LRBA: variants seen among roughly 807,000 people sequenced by gnomAD.
The protein encoded by LRBA is LPS responsive beige-like anchor protein.
In LRBA, 176 loss-of-function variants were observed where a neutral mutation model predicts 330.0. The ratio of observed to expected loss-of-function variants is 0.53; its 90% CI spans 0.47 to 0.60. The LOEUF (loss-of-function observed/expected upper bound fraction) is 0.60, where lower values mean the gene tolerates loss of function less well. LRBA is among the 20% of genes least tolerant of loss of function. LRBA has a pLI of 0.00. For missense variants in LRBA, 3,259 were observed against 3,444.8 expected (o/e 0.95, Z 1.35); for synonymous variants, 1,230 against 1,193.0 (o/e 1.03, Z -0.64).
chr4:150,894,505 A>T (rs1425500261), intron 16 of LRBA, among the ~76,000 whole-genome samples: 1 of 152,234 alleles, frequency 6.6e-6, no homozygotes, highest in Admixed American at 6.5e-5. Flanking sequence ...GCATATACCA[A>T]TATGTATGCA....
At position 150,467,735 on chromosome 4, in the gene LRBA, T is replaced by C. The variant is rs202061746; in HGVS notation, c.6718A>G (p.Thr2240Ala). Residue 2240 changes from threonine to alanine, a missense_variant, in exon 44 of 57, where the codon ACT (threonine) becomes GCT (alanine). Thr to Ala is a moderately conservative substitution (Grantham distance 58, BLOSUM62 0). Transcript: ENST00000651943. ...TCCAGTTCTTCTGATTCATAATTAGTGATGACCCAAGGAAACACTGGATAC... is the reference window on the plus strand; with the variant it reads ...TCCAGTTCTTCTGATTCATAATTAGCGATGACCCAAGGAAACACTGGATAC... The part of the protein sequence containing the change: ...NQYPVFPWVI[T>A]NYESEELDLT... 22 of 1,609,624 alleles carry C rather than the reference T, an allele frequency of 1.4e-5. No individual in the cohort carries two copies. Among genetic ancestry groups the C allele is most frequent in the East Asian group, 2.2e-5 (1 of 44,668 alleles).
chr4:150,849,635 T>C, intron 24 of LRBA, 60 bp from the exon 25 acceptor site: 11 of 1,369,768 alleles, frequency 8.0e-6, no homozygotes, highest in Non-Finnish European at 1.0e-5. Context: ...ACAGTTTGCC[T>C]ACTTGAGGGG....
At chr4:150,496,989 C>A (rs1759664242) in intron 40 of LRBA, among the ~76,000 whole-genome samples, 1 of 151,872 alleles carries the variant, frequency 6.6e-6, no homozygotes, top group Non-Finnish European at 1.5e-5. Flanking sequence ...CAGGTTAACA[C>A]TTTAATATGG....
At chr4:150,740,643 T>TAAAA (rs34194284) in intron 35 of LRBA, among the ~76,000 whole-genome samples, 8 of 136,172 alleles carry the variant, frequency 5.9e-5, no homozygotes, top group African/African-American at 1.9e-4. Flanking sequence ...GAAAGAATGG[T>TAAAA]AAAAAAAAAA....
In LRBA at chr4:150,391,628, T is replaced by TTG. The variant is rs111410765; in HGVS notation, c.7194+23808_7194+23809dup. Among the ~76,000 whole-genome samples the TTG allele has an allele frequency of 8.9e-3, 1,348 of 151,630 alleles. 15 individuals carry two copies. The highest frequency in any genetic ancestry group is 0.03 in the African/African-American group (1,240 of 41,364). On this transcript the variant is annotated intron_variant, in intron 47 of 56. Transcript: ENST00000651943. ...ACGTGACAGGAACTAGGTAAGTAAA[T>TTG]TGTGTGTGTGTGTGTAGTTCCCAAC... is the stretch of plus-strand genomic sequence containing the variant.
intron 37 of LRBA, among the ~76,000 whole-genome samples, chr4:150,625,781 C>A (rs887887482): frequency 2.0e-5 from 3 of 151,576 alleles, no homozygotes; most frequent in Admixed American, 6.6e-5. Flanking sequence ...GCAAGCTCAG[C>A]TCACTGCAAC....
intron 40 of LRBA, among the ~76,000 whole-genome samples, chr4:150,545,182 T>A (rs1561329572): frequency 6.6e-6 from 1 of 152,216 alleles, no homozygotes; most frequent in African/African-American, 2.4e-5. Flanking sequence ...TTGTTATTAA[T>A]ACCATAATCA....
intron 24 of LRBA, 107 bp downstream of exon 24, chr4:150,850,614 TCTA>T: frequency 1.7e-6 from 1 of 606,050 alleles, no homozygotes; most frequent in Non-Finnish European, 2.7e-6. Context: ...TAATTTCTAT[TCTA>T]CTTTTTAACC....
chr4:150,759,035 G>C (rs1734711655), intron 35 of LRBA, among the ~76,000 whole-genome samples: 1 of 151,908 alleles, frequency 6.6e-6, no homozygotes, highest in Non-Finnish European at 1.5e-5. Flanking sequence ...CCACCTCACA[G>C]CTTTCCAAGT....
intron 37 of LRBA, among the ~76,000 whole-genome samples, chr4:150,632,212 C>T (rs1229186356): frequency 7.6e-6 from 1 of 132,196 alleles, no homozygotes; most frequent in Non-Finnish European, 1.6e-5. Flanking sequence ...GCCTGGGAGA[C>T]AGAGTGAGAC....
intron 28 of LRBA, among the ~76,000 whole-genome samples, chr4:150,841,849 G>T (rs1749129032): frequency 6.6e-6 from 1 of 151,636 alleles, no homozygotes; most frequent in Admixed American, 6.6e-5. Flanking sequence ...GTAGAGATGG[G>T]GATTCACCAT....
At chr4:150,298,565 A>G (rs1729253142) in intron 53 of LRBA, among the ~76,000 whole-genome samples, 1 of 152,116 alleles carries the variant, frequency 6.6e-6, no homozygotes. Context: ...TACTTTAAAA[A>G]ACAGCTCTGT....
rs944778069 is a variant in LRBA, at chr4:150,893,246, A to G, written c.2068-97T>C. The G allele has an allele frequency of 6.2e-6, 4 of 650,402 alleles. No individual in the cohort carries two copies. In the African/African-American group the frequency reaches 7.3e-5, roughly 12 times the overall value. 40.3% of individuals were successfully genotyped at this position (650,402 alleles called of 1,614,324 possible). A position where few individuals can be genotyped will look rare whatever the true frequency, so the allele number is the denominator to read the frequency against. On this transcript the variant is annotated intron_variant, in intron 16 of 56. Transcript: ENST00000651943. ...AAATAGAAATTTCAACATTAGAAATATAAGTAGACATATGTGTGATATATA... is the reference window on the plus strand; with the variant it reads ...AAATAGAAATTTCAACATTAGAAATGTAAGTAGACATATGTGTGATATATA...
At chr4:150,753,151 C>T (rs957499206) in intron 35 of LRBA, among the ~76,000 whole-genome samples, 1 of 152,212 alleles carries the variant, frequency 6.6e-6, no homozygotes, top group Admixed American at 6.5e-5. Context: ...GCAATGTCCT[C>T]TGTATCCGAC....
At chr4:150,840,006 G>A (rs899301125) in intron 28 of LRBA, among the ~76,000 whole-genome samples, 1 of 152,142 alleles carries the variant, frequency 6.6e-6, no homozygotes, top group African/African-American at 2.4e-5. Flanking sequence ...CTGTTATGGA[G>A]ACAGCTTCTT....
chr4:150,909,144 T>C (rs1731683997), intron 9 of LRBA, among the ~76,000 whole-genome samples: 1 of 152,214 alleles, frequency 6.6e-6, no homozygotes, highest in Non-Finnish European at 1.5e-5. Context: ...AAGCATATAA[T>C]ATACAACTTA....
intron 44 of LRBA, among the ~76,000 whole-genome samples, chr4:150,440,651 A>C (rs1421251939): frequency 5.9e-5 from 9 of 151,920 alleles, no homozygotes; most frequent in Non-Finnish European, 1.2e-4. Context: ...GTGTATGCCT[A>C]TAGTCCCAAC....
At chr4:150,918,226 A>T (rs1732862459) in intron 5 of LRBA, among the ~76,000 whole-genome samples, 1 of 152,240 alleles carries the variant, frequency 6.6e-6, no homozygotes, top group Non-Finnish European at 1.5e-5. Context: ...CTGATAAAGG[A>T]CTTGTAACCA....
Position 150,906,364 on chromosome 4 carries a change from G to T in LRBA, c.1535C>A (p.Ser512Ter). 1 of 1,612,092 alleles carries T rather than the reference G, an allele frequency of 6.2e-7. No homozygotes were observed. ...LAFIMELLKN[S>*]IAMQEQMLAC... ...AAGCATCTGTTCCTGCATAGCAATT[G>T]AGTTCTTCAACAATTCCATGATAAA... Residue 512 changes from serine to a stop codon, truncating the protein, a stop_gained, in exon 12 of 57, where the codon TCA becomes TAA. Transcript: ENST00000651943. LOFTEE classifies it high-confidence loss of function.
Sources: gnomAD v4.1 joint callset for allele counts (sites outside exome capture counted in the v4.1 genomes callset) on GRCh38, gnomAD v4.1.1 for gene constraint, MANE v1.5 for transcripts, NCBI Gene and HGNC (gene_info 2026-07-23, HGNC 2026-07-21) for gene names.